ABCA13: variants seen among roughly 807,000 people sequenced by gnomAD.
The protein encoded by ABCA13 is ATP-binding cassette sub-family A member 13.
A neutral mutation model predicts 478.7 loss-of-function variants in ABCA13; 476 were observed. The ratio of observed to expected loss-of-function variants is 0.99; its 90% CI spans 0.92 to 1.07. The LOEUF (loss-of-function observed/expected upper bound fraction) is 1.07. ABCA13 is among the 50% of genes least tolerant of loss of function. The probability of loss-of-function intolerance (pLI) is 0.00; values close to 1 mark genes in which losing one functional copy is unlikely to be tolerated. For missense variants in ABCA13, 6,060 were observed against 5,910.6 expected, an observed-to-expected ratio of 1.03 and a Z score of -0.83; for synonymous variants, 2,252 against 2,158.9, an observed-to-expected ratio of 1.04 and a Z score of -1.20.
chr7:48,280,192 C>T (rs562637583), intron 18 of ABCA13, among the ~76,000 whole-genome samples: 3 of 152,186 alleles, frequency 2.0e-5, no homozygotes, highest in African/African-American at 7.2e-5. Flanking sequence ...ACCTCTTATT[C>T]TATTCACTCA....
At chr7:48,329,151 G>A (rs556960136) in intron 27 of ABCA13, among the ~76,000 whole-genome samples, 1 of 152,304 alleles carries the variant, frequency 6.6e-6, no homozygotes, top group Admixed American at 6.5e-5. Context: ...GATAGTATGA[G>A]TGAAGAAAAA....
intron 39 of ABCA13, among the ~76,000 whole-genome samples, chr7:48,406,665 G>A (rs763293542): frequency 5.3e-5 from 8 of 152,042 alleles, no homozygotes; most frequent in Non-Finnish European, 1.2e-4. Context: ...TTGAACTCAG[G>A]AGTTCGAGAC....
chr7:48,237,877 C>CATCT (rs898473580), intron 8 of ABCA13, among the ~76,000 whole-genome samples: 12 of 152,224 alleles, frequency 7.9e-5, no homozygotes, highest in African/African-American at 2.9e-4. Flanking sequence ...AGGCTGTGAG[C>CATCT]ATCTGAGTGG....
At chr7:48,404,077 G>T in intron 39 of ABCA13, 198 bp downstream of exon 39, 1 of 624,592 alleles carries the variant, frequency 1.6e-6, no homozygotes, top group South Asian at 1.5e-5. Flanking sequence ...TGCTTACTTT[G>T]TGTTTGACCT....
intron 32 of ABCA13, among the ~76,000 whole-genome samples, chr7:48,369,456 G>A (rs569965355): frequency 7.2e-4 from 110 of 152,186 alleles, no homozygotes; most frequent in African/African-American, 2.5e-3. Flanking sequence ...TGGTCATGAA[G>A]TATTTGCCTA....
chr7:48,205,996 TC>T (rs1472830730), intron 3 of ABCA13, among the ~76,000 whole-genome samples: 1 of 152,164 alleles, frequency 6.6e-6, no homozygotes, highest in Non-Finnish European at 1.5e-5. Context: ...TCCTCAGAAT[TC>T]TCCTGTGCTC....
intron 43 of ABCA13, among the ~76,000 whole-genome samples, chr7:48,465,617 A>G (rs889035999): frequency 6.6e-6 from 1 of 151,202 alleles, no homozygotes; most frequent in African/African-American, 2.4e-5. Flanking sequence ...ATTTTGATAC[A>G]TGCGTACGAT....
At chr7:48,423,691 A>T (rs1821064267) in intron 41 of ABCA13, among the ~76,000 whole-genome samples, 1 of 152,216 alleles carries the variant, frequency 6.6e-6, no homozygotes, top group Admixed American at 6.5e-5. Context: ...CTGTCCCTTG[A>T]AAAGAAAGAG....
In ABCA13 at chr7:48,442,002, G is replaced by T. The variant is rs567148423; in HGVS notation, c.12566-13035G>T. Among the ~76,000 whole-genome samples, 38 of 152,344 alleles carry T rather than the reference G, an allele frequency of 2.5e-4. No homozygotes were observed. In the South Asian group the frequency reaches 7.0e-3, roughly 28 times the overall value. On this transcript the variant is annotated intron_variant, in intron 42 of 61. Coordinates refer to ENST00000435803, the MANE Select transcript of ABCA13 (RefSeq NM_152701.5). ...GCACAGAGTAAATAACTGCTCAGAA[G>T]AGCTGAGAGGCTTCCAGAGGAGAGA...
rs530908959 is a variant in ABCA13, at chr7:48,249,117, T to G, written c.1866-95T>G. 125 of 1,074,406 alleles carry G rather than the reference T, an allele frequency of 1.2e-4. No homozygotes were observed. The African/African-American group carries it at 1.7e-3, about 14-fold the overall frequency. The allele number at this position is 1,074,406 out of a possible 1,614,324, so 66.6% of individuals were successfully genotyped here. Reference sequence around the variant, plus strand: ...CTTACATAAGTGGACTGCCATGCATTTGCATATATTTGTTTTTAGAAAAAT... The same window carrying G: ...CTTACATAAGTGGACTGCCATGCATGTGCATATATTTGTTTTTAGAAAAAT... On this transcript the variant is annotated intron_variant, in intron 14 of 61. Coordinates refer to ENST00000435803, the MANE Select transcript of ABCA13 (RefSeq NM_152701.5).
At chr7:48,264,694 CT>C (rs1794646117) in intron 15 of ABCA13, among the ~76,000 whole-genome samples, 4 of 151,506 alleles carry the variant, frequency 2.6e-5, no homozygotes, top group Non-Finnish European at 5.9e-5. Flanking sequence ...CAGACATACG[CT>C]TTGCAAATAT....
At chr7:48,643,648 C>T (rs920815684) in intron 60 of ABCA13, among the ~76,000 whole-genome samples, 1 of 152,192 alleles carries the variant, frequency 6.6e-6, no homozygotes, top group African/African-American at 2.4e-5. Flanking sequence ...CATATCACGC[C>T]TCTTATCTGT....
chr7:48,390,459 A>G (rs1815874911), intron 37 of ABCA13, among the ~76,000 whole-genome samples: 1 of 152,220 alleles, frequency 6.6e-6, no homozygotes, highest in Admixed American at 6.5e-5. Context: ...AATATAGCAA[A>G]GAGTTTTAAG....
intron 19 of ABCA13, 129 bp from the exon 20 acceptor site, chr7:48,287,831 C>T (rs1797974622): frequency 4.3e-6 from 3 of 692,926 alleles, no homozygotes; most frequent in Non-Finnish European, 7.5e-6. Flanking sequence ...TCTGAATGTT[C>T]ATCTTGATGA....
chr7:48,427,693 T>C, intron 41 of ABCA13, 73 bp from the exon 42 acceptor site: 1 of 971,742 alleles, frequency 1.0e-6, no homozygotes, highest in South Asian at 1.4e-5. Flanking sequence ...ATTAGGCAAT[T>C]GAGGCAGAAG....
chr7:48,350,245 T>G (rs1245221610), intron 29 of ABCA13, among the ~76,000 whole-genome samples: 2 of 152,196 alleles, frequency 1.3e-5, no homozygotes, highest in Non-Finnish European at 2.9e-5. Context: ...AGGCGTGTTT[T>G]TTTTAGAATT....
intron 1 of ABCA13, among the ~76,000 whole-genome samples, chr7:48,172,722 C>T (rs973644015): frequency 7.5e-5 from 10 of 133,296 alleles, no homozygotes; most frequent in Non-Finnish European, 1.5e-4. Context: ...GGCGTGAACC[C>T]GGGAGGCGGA....
intron 3 of ABCA13, among the ~76,000 whole-genome samples, chr7:48,203,759 C>T (rs559192633): frequency 3.8e-4 from 58 of 152,344 alleles, no homozygotes; most frequent in Non-Finnish European, 7.2e-4. Context: ...CCTCACTTCC[C>T]TTTCACTGTC....
At position 48,335,559 on chromosome 7, in the gene ABCA13, G is replaced by A. The variant is rs760739472; in HGVS notation, c.10113+24G>A. 5 of 1,580,732 alleles carry A rather than the reference G, an allele frequency of 3.2e-6. No individual in the cohort carries two copies. The African/African-American group carries it at 5.4e-5, about 17-fold the overall frequency. On this transcript the variant is annotated intron_variant, in intron 28 of 61. Coordinates refer to ENST00000435803, the MANE Select transcript of ABCA13 (RefSeq NM_152701.5). ...AGGTGAGTGGTTGGTCTTTGCCACC[G>A]AGGGATGGGGAGCTACTGCTAGGGC...
Sources: allele counts gnomAD v4.1 joint callset (sites outside exome capture counted in the v4.1 genomes callset), GRCh38; gene constraint gnomAD v4.1.1; transcripts MANE v1.5; gene names NCBI Gene and HGNC (gene_info 2026-07-23, HGNC 2026-07-21).